The following TMEM132D variants were observed in gnomAD, a reference collection of about 807,000 sequenced individuals.
The protein encoded by TMEM132D is transmembrane protein 132D.
TMEM132D carries 21 observed loss-of-function variants against 62.3 expected under a neutral mutation model. The observed-to-expected ratio is 0.34, with a 90% CI of 0.24 to 0.49. The LOEUF (loss-of-function observed/expected upper bound fraction) is 0.49, where lower values mean the gene tolerates loss of function less well. TMEM132D is among the 20% of genes least tolerant of loss of function. The pLI is 0.99. For synonymous variants in TMEM132D, 621 were observed against 575.6 expected (o/e 1.08, Z -1.13); for missense variants, 1,346 against 1,402.8 (o/e 0.96, Z 0.65).
At chr12:129,812,590 G>A (rs962256428) in intron 1 of TMEM132D, among the ~76,000 whole-genome samples, 1 of 151,678 alleles carries the variant, frequency 6.6e-6, no homozygotes, top group African/African-American at 2.4e-5. Flanking sequence ...ATTCACCTGT[G>A]TCTCCCAGTC....
intron 4 of TMEM132D, among the ~76,000 whole-genome samples, chr12:129,256,574 A>C (rs955347724): frequency 6.6e-6 from 1 of 152,136 alleles, no homozygotes; most frequent in Non-Finnish European, 1.5e-5. Context: ...GGATCACGCC[A>C]CCACACCCAG....
At chr12:129,763,166 C>G (rs1001122083) in intron 1 of TMEM132D, among the ~76,000 whole-genome samples, 1 of 152,182 alleles carries the variant, frequency 6.6e-6, no homozygotes, top group Non-Finnish European at 1.5e-5. Context: ...CAGCCTTGAC[C>G]TCCTGGGCTC....
In TMEM132D at chr12:129,342,882, T is replaced by G. The variant is rs1204890820; in HGVS notation, c.1116-5065A>C. ...AAATCAAAACCACAATGAGATACCA[T>G]CTCACACCAGTTAGAATGGCGATCA... On this transcript the variant is annotated intron_variant, in intron 3 of 8. Coordinates refer to ENST00000422113, the MANE Select transcript of TMEM132D (RefSeq NM_133448.3). Among the ~76,000 whole-genome samples, 3 of 152,166 alleles carry G rather than the reference T, an allele frequency of 2.0e-5. No individual in the cohort carries two copies. In the East Asian group the frequency reaches 5.8e-4, roughly 29 times the overall value.
At chr12:129,388,337 G>A (rs201807445) in intron 3 of TMEM132D, among the ~76,000 whole-genome samples, 1,003 of 50,626 alleles carry the variant, frequency 0.02, 4 homozygotes, top group Middle Eastern at 0.037. Context: ...CACTAACACC[G>A]ACACCAATAC....
At chr12:129,496,563 A>G (rs1289096016) in intron 3 of TMEM132D, among the ~76,000 whole-genome samples, 1 of 152,198 alleles carries the variant, frequency 6.6e-6, no homozygotes, top group Non-Finnish European at 1.5e-5. Flanking sequence ...AAATGTTCCA[A>G]AGATGGTAAT....
rs932784822 is a variant in TMEM132D at position 129,583,040 on chromosome 12, C to T, written c.969-51835G>A. Among the ~76,000 whole-genome samples, 4 of 152,148 alleles carry T rather than the reference C, an allele frequency of 2.6e-5. No individual in the cohort carries two copies. The South Asian group carries it at 8.3e-4, about 32-fold the overall frequency. On this transcript the variant is annotated intron_variant, in intron 2 of 8. Transcript: ENST00000422113. ...GGCCAGACTGGTCTTGATCTCCTGA[C>T]TTTGTGATCTGCCCACCTCAGCCTC...
At chr12:129,831,961 C>G (rs1872852254) in intron 1 of TMEM132D, among the ~76,000 whole-genome samples, 3 of 149,844 alleles carry the variant, frequency 2.0e-5, no homozygotes, top group Non-Finnish European at 4.4e-5. Flanking sequence ...TCTCCACCTC[C>G]CGGGTTCCAG....
intron 5 of TMEM132D, among the ~76,000 whole-genome samples, chr12:129,132,740 G>A (rs903354813): frequency 1.3e-5 from 2 of 152,126 alleles, no homozygotes; most frequent in African/African-American, 2.4e-5. Context: ...AGCACACCAC[G>A]TTGTACACCT....
chr12:129,719,658 A>G (rs928343581), intron 1 of TMEM132D, among the ~76,000 whole-genome samples: 1 of 152,228 alleles, frequency 6.6e-6, no homozygotes, highest in Non-Finnish European at 1.5e-5. Flanking sequence ...TAGCTGAGAC[A>G]CTTTGAAAAT....
chr12:129,449,505 C>G (rs1297169885), intron 3 of TMEM132D, among the ~76,000 whole-genome samples: 2 of 152,164 alleles, frequency 1.3e-5, no homozygotes, highest in African/African-American at 2.4e-5. Context: ...ATATTGACAG[C>G]TTCAGATTTT....
chr12:129,591,208 A>G (rs900367829), intron 2 of TMEM132D, among the ~76,000 whole-genome samples: 6 of 152,202 alleles, frequency 3.9e-5, no homozygotes, highest in African/African-American at 1.4e-4. Flanking sequence ...TCAGATCAAA[A>G]GGGTAGCCAA....
At chr12:129,755,462 C>A (rs1330832183) in intron 1 of TMEM132D, among the ~76,000 whole-genome samples, 3 of 152,144 alleles carry the variant, frequency 2.0e-5, no homozygotes, top group Non-Finnish European at 4.4e-5. Flanking sequence ...AATGGCTGCC[C>A]TTAGACTATC....
intron 5 of TMEM132D, among the ~76,000 whole-genome samples, chr12:129,119,525 G>A (rs1424067761): frequency 1.3e-5 from 2 of 152,176 alleles, no homozygotes; most frequent in Non-Finnish European, 2.9e-5. Flanking sequence ...GGTGTTTCTT[G>A]ACCAGGCTTT....
At chr12:129,646,198 A>G (rs538881099) in intron 2 of TMEM132D, among the ~76,000 whole-genome samples, 6 of 152,294 alleles carry the variant, frequency 3.9e-5, no homozygotes, top group African/African-American at 1.4e-4. Context: ...GGCTTATAAC[A>G]GCTCCCATTA....
intron 2 of TMEM132D, among the ~76,000 whole-genome samples, chr12:129,598,830 T>C (rs1341662217): frequency 2.6e-5 from 4 of 152,220 alleles, no homozygotes; most frequent in African/African-American, 9.6e-5. Context: ...TATTTCCACC[T>C]GTCCCTCACT....
chr12:129,658,315 T>C (rs1880148159), intron 2 of TMEM132D, among the ~76,000 whole-genome samples: 1 of 152,230 alleles, frequency 6.6e-6, no homozygotes, highest in Admixed American at 6.5e-5. Context: ...TAGATATTTC[T>C]TCTTTCATTT....
chr12:129,222,178 A>T lies in TMEM132D; in HGVS notation c.1300-12515T>A, dbSNP rs182442401. On this transcript the variant is annotated intron_variant, in intron 4 of 8. Transcript: ENST00000422113. Reference sequence around the variant, plus strand: ...GAGGCAGCAAGATTTTATGCTGCAGATCCCACATGAGGCTGGGCATGTGGT... The same window carrying T: ...GAGGCAGCAAGATTTTATGCTGCAGTTCCCACATGAGGCTGGGCATGTGGT... Among the ~76,000 whole-genome samples the T allele has an allele frequency of 1.2e-4, 19 of 152,320 alleles. No individual in the cohort carries two copies. In the East Asian group the frequency reaches 3.1e-3, roughly 25 times the overall value.
intron 1 of TMEM132D, among the ~76,000 whole-genome samples, chr12:129,739,262 A>C (rs904644685): frequency 2.0e-5 from 3 of 152,124 alleles, no homozygotes; most frequent in Non-Finnish European, 4.4e-5. Flanking sequence ...GCTTCAACAC[A>C]CATCCAACTT....
intron 4 of TMEM132D, among the ~76,000 whole-genome samples, chr12:129,328,029 G>A (rs532828585): frequency 9.9e-5 from 15 of 152,122 alleles, no homozygotes; most frequent in African/African-American, 3.4e-4. Flanking sequence ...TTTGGGCTTC[G>A]GCACCCACTT....
Sources: allele counts gnomAD v4.1 joint callset (sites outside exome capture counted in the v4.1 genomes callset), GRCh38; gene constraint gnomAD v4.1.1; transcripts MANE v1.5; gene names NCBI Gene and HGNC (gene_info 2026-07-23, HGNC 2026-07-21).